Variants in CIMAP2 observed in about 807,000 individuals in gnomAD.
CIMAP2 encodes the protein ciliary microtubule-associated protein 2.
At chr1:54,811,367 G>A in the CIMAP2 span, among the ~76,000 whole-genome samples, 1 of 152,192 alleles carries the variant, frequency 6.6e-6, no homozygotes, top group Admixed American at 6.5e-5. Context: ...GAGATGACAT[G>A]TGAGCTGGCT....
the CIMAP2 span, chr1:54,811,807 G>A: frequency 1.3e-5 from 15 of 1,196,244 alleles, no homozygotes; most frequent in Non-Finnish European, 1.6e-5. Context: ...TACTATCCAG[G>A]CCCTGGAAAT....
the CIMAP2 span, among the ~76,000 whole-genome samples, chr1:54,824,793 C>T: frequency 6.6e-6 from 1 of 151,730 alleles, no homozygotes; most frequent in East Asian, 1.9e-4. Context: ...TTCCTGACTT[C>T]TTTGTAATTT....
the CIMAP2 span, among the ~76,000 whole-genome samples, chr1:54,835,920 G>T: frequency 6.6e-6 from 1 of 152,076 alleles, no homozygotes; most frequent in East Asian, 1.9e-4. Context: ...ACCCAGGAAG[G>T]CTGAGGCATA....
chr1:54,816,614 T>G, the CIMAP2 span, among the ~76,000 whole-genome samples: 1 of 152,196 alleles, frequency 6.6e-6, no homozygotes, highest in South Asian at 2.1e-4. Context: ...CTTGCCTCTT[T>G]GTAGCTTCTG....
At chr1:54,816,840 CG>C in the CIMAP2 span, 1 of 1,027,136 alleles carries the variant, frequency 9.7e-7, no homozygotes, top group East Asian at 2.6e-5. Context: ...TGGGGTTGCT[CG>C]GGGTTGGGAC....
chr1:54,817,808 G>A, the CIMAP2 span, among the ~76,000 whole-genome samples: 1 of 151,764 alleles, frequency 6.6e-6, no homozygotes, highest in Non-Finnish European at 1.5e-5. Context: ...GCTTTTAAAT[G>A]TAATTTTAAA....
At chr1:54,819,828 TTC>T in the CIMAP2 span, among the ~76,000 whole-genome samples, 5 of 134,712 alleles carry the variant, frequency 3.7e-5, no homozygotes, top group Non-Finnish European at 7.8e-5. Flanking sequence ...TTCTTTCTCT[TTC>T]TTTCTTTCTC....
chr1:54,819,846 T>TTCTTTCTTTCTTTC, the CIMAP2 span, among the ~76,000 whole-genome samples: 23 of 113,126 alleles, frequency 2.0e-4, no homozygotes, highest in South Asian at 2.3e-3. Flanking sequence ...TTCTCTTTCT[T>TTCTTTCTTTCTTTC]TCTTTCCTTC....
the CIMAP2 span, among the ~76,000 whole-genome samples, chr1:54,822,109 G>C: frequency 8.8e-6 from 1 of 114,250 alleles, no homozygotes; most frequent in African/African-American, 3.1e-5. Flanking sequence ...CATTTTAGCC[G>C]GGATGGTCTC....
the CIMAP2 span, chr1:54,811,768 T>TACATGCCCCCCCCCCCCCCCC: frequency 3.7e-6 from 2 of 533,354 alleles, no homozygotes; most frequent in Non-Finnish European, 3.7e-6. Context: ...TCTGACAGCC[T>TACATGCCCCCCCCCCCCCCCC]CCATGCCCCC....
chr1:54,821,621 T>C, the CIMAP2 span, among the ~76,000 whole-genome samples: 1 of 152,134 alleles, frequency 6.6e-6, no homozygotes, highest in Non-Finnish European at 1.5e-5. Flanking sequence ...TTCACCTCCT[T>C]GGTAAATTTA....
At chr1:54,806,156 A>C in the CIMAP2 span, 26 of 1,550,502 alleles carry the variant, frequency 1.7e-5, no homozygotes, top group Non-Finnish European at 2.3e-5. Flanking sequence ...TCATGGCTGG[A>C]ACCGCGTCGG....
At chr1:54,830,407 A>G in the CIMAP2 span, among the ~76,000 whole-genome samples, 1 of 152,056 alleles carries the variant, frequency 6.6e-6, no homozygotes, top group Non-Finnish European at 1.5e-5. This position sits in a 1 kb window ranked among gnomAD's most constrained non-coding sequence, Gnocchi z 4.1. Context: ...TTTTTAGTAG[A>G]GACAAGGTTT....
At chr1:54,811,766 C>CGGGGCGGGGG in the CIMAP2 span, 2 of 1,305,190 alleles carry the variant, frequency 1.5e-6, no homozygotes, top group Non-Finnish European at 2.2e-6. Flanking sequence ...GTTCTGACAG[C>CGGGGCGGGGG]CTCCATGCCC....
the CIMAP2 span, chr1:54,812,171 TGG>T: frequency 6.2e-7 from 1 of 1,614,204 alleles, no homozygotes; most frequent in South Asian, 1.1e-5. Context: ...CACTGCCTTA[TGG>T]GCACTACTCC....
the CIMAP2 span, among the ~76,000 whole-genome samples, chr1:54,821,202 T>A: frequency 7.2e-6 from 1 of 139,346 alleles, no homozygotes; most frequent in Non-Finnish European, 1.5e-5. Flanking sequence ...CTCTATTGAT[T>A]CTTTTGCTGT....
At chr1:54,834,331 G>C in the CIMAP2 span, among the ~76,000 whole-genome samples, 2 of 152,142 alleles carry the variant, frequency 1.3e-5, no homozygotes, top group Non-Finnish European at 2.9e-5. Context: ...GTGAATATTT[G>C]TTAAATGATG....
chr1:54,807,590 A>G, the CIMAP2 span: 1 of 1,607,382 alleles, frequency 6.2e-7, no homozygotes, highest in Non-Finnish European at 8.5e-7. Flanking sequence ...AAGCTGATGA[A>G]GGAGGTGGAC....
chr1:54,811,767 C>CGGGGGGGCG, the CIMAP2 span: 2 of 1,088,168 alleles, frequency 1.8e-6, no homozygotes, highest in Non-Finnish European at 2.7e-6. Context: ...TTCTGACAGC[C>CGGGGGGGCG]TCCATGCCCC....
Sources: gnomAD v4.1 joint callset for allele counts (sites outside exome capture counted in the v4.1 genomes callset) on GRCh38, gnomAD v4.1.1 for gene constraint, Gnocchi (gnomAD v3.1) non-coding constraint, MANE v1.5 for transcripts, NCBI Gene and HGNC (gene_info 2026-07-23, HGNC 2026-07-21) for gene names.